HIPK1: variants seen among roughly 807,000 people sequenced by gnomAD.
HIPK1 encodes homeodomain-interacting protein kinase 1.
A neutral mutation model predicts 117.1 loss-of-function variants in HIPK1; 28 were observed. The ratio of observed to expected loss-of-function variants is 0.24; its 90% CI spans 0.18 to 0.33. HIPK1 has a LOEUF of 0.33. Among genes scored for constraint, HIPK1 ranks in the 10% least tolerant of loss-of-function variants. The pLI, the probability that HIPK1 is intolerant of heterozygous loss-of-function variation, is 1.00. For missense variants in HIPK1, 1,122 were observed against 1,475.1 expected, an observed-to-expected ratio of 0.76 and a Z score of 3.92; for synonymous variants, 605 against 562.5, an observed-to-expected ratio of 1.08 and a Z score of -1.07.
At chr1:113,949,117 C>T (rs147771203) in intron 2 of HIPK1, among the ~76,000 whole-genome samples, 2 of 152,312 alleles carry the variant, frequency 1.3e-5, no homozygotes, top group East Asian at 3.9e-4. Context: ...GGATTATAGG[C>T]GTGAGCCACC....
chr1:113,971,823 G>A lies in HIPK1; in HGVS notation c.3014-1G>A. On this transcript the variant is annotated splice_acceptor_variant, in intron 14 of 15. Coordinates refer to ENST00000426820, the MANE Select transcript of HIPK1 (RefSeq NM_198268.3). LOFTEE classifies it high-confidence loss of function. ...AACTATTAAGCCTGGTGCTTTTTTA[G>A]GTCTCCTGAGCAATAAGACTAAGCC... 6.3e-7 allele frequency: 1 copy of A among 1,587,188 alleles called. No individual in the cohort carries two copies. Among genetic ancestry groups the A allele is most frequent in the Non-Finnish European group, 8.5e-7 (1 of 1,171,904 alleles).
rs945565326 is a variant in HIPK1, at chr1:113,929,882, C to T, written c.-3+350C>T. ...GGCTGCGGGGCCCCAGATCTCGTCT[C>T]CTCCGCCGCCTCCTCACGGCAGCCC... On this transcript the variant is annotated intron_variant, in intron 1 of 15. Coordinates refer to ENST00000426820, the MANE Select transcript of HIPK1 (RefSeq NM_198268.3). 44 of 986,968 alleles carry T rather than the reference C, an allele frequency of 4.5e-5. No homozygotes were observed. In the South Asian group the frequency reaches 1.5e-3, roughly 34 times the overall value. 61.1% of individuals were successfully genotyped at this position (986,968 alleles called of 1,614,324 possible).
chr1:113,958,202 G>A lies in HIPK1; in HGVS notation c.1892G>A (p.Gly631Asp). 1.2e-6 allele frequency: 2 copies of A among 1,614,174 alleles called. No homozygotes were observed. Among genetic ancestry groups the A allele is most frequent in the Non-Finnish European group, 1.7e-6 (2 of 1,180,034 alleles). ...AAPVPGVAQQ[G>D]VSLQPGTTQI... is the part of the protein sequence containing the mutation. ...CCAGTTCCTGGAGTTGCCCAGCAGG[G>A]TGTTTCCTTGCAGCCTGGAACCACC... Residue 631 changes from glycine to aspartate, a missense_variant, in exon 8 of 16, where the codon GGT (glycine) becomes GAT (aspartate). This residue lies in a region of HIPK1 where 731 missense variants were observed against 860.4 expected (regional missense o/e 0.85). Transcript: ENST00000426820.
chr1:113,958,027 C>T, intron 7 of HIPK1, 39 bp from the exon 8 acceptor site: 1 of 1,389,890 alleles, frequency 7.2e-7, no homozygotes, highest in Non-Finnish European at 1.0e-6. Context: ...TGTGTCTCTA[C>T]TTAATACAAG....
At chr1:113,966,709 TC>T (rs1291867531) in intron 11 of HIPK1, among the ~76,000 whole-genome samples, 1 of 152,158 alleles carries the variant, frequency 6.6e-6, no homozygotes, top group Non-Finnish European at 1.5e-5. Flanking sequence ...GGGGTGTCCA[TC>T]CCCTCAAGCA....
In HIPK1 at chr1:113,962,474, T is replaced by C. The variant is rs562626060; in HGVS notation, c.2103+36T>C. 39 of 1,599,152 alleles carry C rather than the reference T, an allele frequency of 2.4e-5. 1 individual carries two copies. In the South Asian group the frequency reaches 4.1e-4, roughly 17 times the overall value. On this transcript the variant is annotated intron_variant, in intron 9 of 15. Coordinates refer to ENST00000426820, the MANE Select transcript of HIPK1 (RefSeq NM_198268.3). ...GAGCAATGTGGATACTCAGTATTGC[T>C]AAACACTATTGAGATTCAGATATTT...
intron 13 of HIPK1, among the ~76,000 whole-genome samples, chr1:113,969,105 C>T (rs773080649): frequency 4.6e-5 from 7 of 151,768 alleles, no homozygotes; most frequent in Non-Finnish European, 1.0e-4. Context: ...GTTGGGCATA[C>T]GGAAGAGGGA....
At chr1:113,932,672 C>T (rs778631287) in intron 1 of HIPK1, among the ~76,000 whole-genome samples, 9 of 152,152 alleles carry the variant, frequency 5.9e-5, no homozygotes, top group African/African-American at 1.2e-4. Flanking sequence ...AGCCACCATG[C>T]CTGGCCTGGA....
chr1:113,952,693 G>C, intron 2 of HIPK1, 73 bp from the exon 3 acceptor site: 1 of 1,141,694 alleles, frequency 8.8e-7, no homozygotes, highest in Non-Finnish European at 1.2e-6. Context: ...ACTAAAACAG[G>C]ACTTAGTCAT....
chr1:113,951,985 C>T (rs981181027), intron 2 of HIPK1, among the ~76,000 whole-genome samples: 2 of 126,050 alleles, frequency 1.6e-5, no homozygotes, highest in African/African-American at 6.3e-5. Context: ...GTCTCCTAGG[C>T]TGGAGTGTAG....
rs957913929 is a variant in HIPK1 at position 113,962,328 on chromosome 1, GCAA to G, written c.2000_2002del (p.Thr667del). Reference sequence around the variant, plus strand: ...GCTGTTTTCAATAGCTGGACTACAAGCAACAACAAAGCATTCTGGATTCCCTGT... The same window carrying G: ...GCTGTTTTCAATAGCTGGACTACAAGCAACAAAGCATTCTGGATTCCCTGT... On this transcript the variant is annotated inframe_deletion, in exon 9 of 16. Coordinates refer to ENST00000426820, the MANE Select transcript of HIPK1 (RefSeq NM_198268.3). 3 of 1,613,636 alleles carry G rather than the reference GCAA, an allele frequency of 1.9e-6. No homozygotes were observed. The African/African-American group carries it at 4.0e-5, about 22-fold the overall frequency.
At chr1:113,956,907 CT>C in intron 6 of HIPK1, 96 bp downstream of exon 6, 1 of 1,177,758 alleles carries the variant, frequency 8.5e-7, no homozygotes, top group South Asian at 1.3e-5. Context: ...CACTTTGGTG[CT>C]TATAAATCTG....
chr1:113,950,129 T>G (rs544204212), intron 2 of HIPK1, among the ~76,000 whole-genome samples: 5 of 152,298 alleles, frequency 3.3e-5, no homozygotes, highest in Admixed American at 3.3e-4. Context: ...ATTTTTTTTT[T>G]CTTCTATGCC....
intron 1 of HIPK1, among the ~76,000 whole-genome samples, chr1:113,934,004 T>C (rs1670083260): frequency 6.6e-6 from 1 of 152,218 alleles, no homozygotes; most frequent in African/African-American, 2.4e-5. Flanking sequence ...CTTCCCAAAC[T>C]TGTCTCACTT....
chr1:113,953,060 C>T (rs1303796202), intron 3 of HIPK1, among the ~76,000 whole-genome samples, 171 bp downstream of exon 3: 2 of 152,070 alleles, frequency 1.3e-5, no homozygotes, highest in African/African-American at 4.8e-5. Context: ...CTTCCTGCTT[C>T]TTAGGCTAAA....
At position 113,934,697 on chromosome 1, in the gene HIPK1, A is replaced by G. The variant is rs139746238; in HGVS notation, c.-3+5165A>G. Among the ~76,000 whole-genome samples the G allele has an allele frequency of 8.4e-4, 127 of 150,666 alleles. No homozygotes were observed. The East Asian group carries it at 0.024, about 29-fold the overall frequency. On this transcript the variant is annotated intron_variant, in intron 1 of 15. Transcript: ENST00000426820. ...ACGGTGGCTCATGCCTGTAATCTCA[A>G]TATCGTGGGAGGCCAAGGCAGGAGG... is the stretch of plus-strand genomic sequence containing the variant.
chr1:113,940,264 C>T, intron 1 of HIPK1, 118 bp from the exon 2 acceptor site: 2 of 949,004 alleles, frequency 2.1e-6, no homozygotes, highest in Non-Finnish European at 3.2e-6. Flanking sequence ...AAGAGGAGAA[C>T]ATTATTACAT....
chr1:113,958,080 T>G lies in HIPK1; in HGVS notation c.1770T>G (p.Ala590=). 2 of 1,613,782 alleles carry G rather than the reference T, an allele frequency of 1.2e-6. No homozygotes were observed. The highest frequency in any genetic ancestry group is 2.2e-5 in the South Asian group (2 of 91,082). The change falls in exon 8 of 16, where the codon GCT becomes GCG. Residue 590 remains alanine (A), a synonymous_variant. Transcript: ENST00000426820. ...NTVHNQASVL[A]SSSTAAAATL... ...TTTGTTTTTAGGCCAGTGTTCTAGC[T>G]TCCAGTTCTACTGCAGCAGCTGCTA...
At chr1:113,950,517 T>G (rs1455315620) in intron 2 of HIPK1, among the ~76,000 whole-genome samples, 1 of 152,208 alleles carries the variant, frequency 6.6e-6, no homozygotes, top group Non-Finnish European at 1.5e-5. Flanking sequence ...TCCTTTTTCT[T>G]TTGTTGAGAT....
Sources: allele counts gnomAD v4.1 joint callset (sites outside exome capture counted in the v4.1 genomes callset), GRCh38; gene constraint gnomAD v4.1.1; regional missense constraint gnomAD v4.1.1; transcripts MANE v1.5; gene names NCBI Gene and HGNC (gene_info 2026-07-23, HGNC 2026-07-21).